BRD8: variants seen among roughly 807,000 people sequenced by gnomAD.
BRD8 encodes the protein bromodomain containing 8.
Under a neutral mutation model 143.1 loss-of-function variants are expected in BRD8, and 67 were observed. The observed-to-expected ratio is 0.47, with a 90% CI of 0.38 to 0.57. The LOEUF (loss-of-function observed/expected upper bound fraction) is 0.57. Ranked by LOEUF, BRD8 falls within the 20% of genes least tolerant of loss-of-function variation. BRD8 has a pLI of 0.00. For missense variants in BRD8, 1,103 were observed against 1,503.0 expected, an observed-to-expected ratio of 0.73 and a Z score of 4.40; for synonymous variants, 505 against 517.1, an observed-to-expected ratio of 0.98 and a Z score of 0.32.
intron 20 of BRD8, among the ~76,000 whole-genome samples, chr5:138,155,655 A>G (rs1206348025): frequency 1.4e-5 from 2 of 146,728 alleles, no homozygotes; most frequent in Non-Finnish European, 3.0e-5. Flanking sequence ...CTCAGCCTCC[A>G]ATGTAGCTGG....
rs773835517 is a variant in BRD8 at position 138,172,071 on chromosome 5, A to T, written c.180T>A (p.Ser60=). Residue 60 remains serine (S), a synonymous_variant, in exon 3 of 27, where the codon TCT becomes TCA. Coordinates refer to ENST00000254900, the MANE Select transcript of BRD8 (RefSeq NM_139199.2). ...CCCTTGCTTGGGAACTTACTTTTTG[A>T]GAGAACCAGTCTGGAGGGCGGCCAG... The part of the protein sequence containing the change: ...AEPGRPPDWF[S]QKHCASQYSE... 2.5e-6 allele frequency: 4 copies of T among 1,613,546 alleles called. No individual in the cohort carries two copies. Among genetic ancestry groups the T allele is most frequent in the Non-Finnish European group, 3.4e-6 (4 of 1,179,690 alleles).
intron 25 of BRD8, 24 bp downstream of exon 25, chr5:138,145,153 T>A (rs1292414629): frequency 6.9e-6 from 11 of 1,596,054 alleles, no homozygotes; most frequent in Non-Finnish European, 7.7e-6. Context: ...GCAACCAACC[T>A]TTCTTGACCC....
chr5:138,171,202 T>C, intron 4 of BRD8, 42 bp from the exon 5 acceptor site: 1 of 1,576,990 alleles, frequency 6.3e-7, no homozygotes, highest in Non-Finnish European at 8.7e-7. Context: ...TCAAATAACA[T>C]AACATTTATC....
At chr5:138,168,421 C>T (rs756606086) in intron 8 of BRD8, 7 of 1,331,948 alleles carry the variant, frequency 5.3e-6, no homozygotes, top group Non-Finnish European at 7.5e-6. Flanking sequence ...CACTCCCTTC[C>T]AAGTACTAAA....
At chr5:138,152,045 G>A (rs1160029333) in intron 21 of BRD8, among the ~76,000 whole-genome samples, 1 of 151,992 alleles carries the variant, frequency 6.6e-6, no homozygotes, top group African/African-American at 2.4e-5. Context: ...TAGTAGAGAT[G>A]GGGTTTCACC....
At chr5:138,163,078 C>T in intron 15 of BRD8, 52 bp downstream of exon 15, 3 of 1,487,700 alleles carry the variant, frequency 2.0e-6, no homozygotes, top group Non-Finnish European at 2.8e-6. Context: ...GGAAAAGATC[C>T]TCTCCTCACC....
At chr5:138,140,914 C>A in intron 25 of BRD8, 32 bp from the exon 26 acceptor site, 1 of 1,610,290 alleles carries the variant, frequency 6.2e-7, no homozygotes, top group South Asian at 1.1e-5. Flanking sequence ...CAAAGAAAAT[C>A]AAACCTTCAT....
At chr5:138,156,853 C>G in intron 20 of BRD8, 1 of 1,042,622 alleles carries the variant, frequency 9.6e-7, no homozygotes, top group Non-Finnish European at 1.2e-6. Flanking sequence ...CACACACACA[C>G]ACACACACAC....
chr5:138,172,006 A>C, intron 3 of BRD8, 59 bp downstream of exon 3: 1 of 1,299,588 alleles, frequency 7.7e-7, no homozygotes, highest in Non-Finnish European at 1.1e-6. Flanking sequence ...AGGGCCTGGT[A>C]GAGAACCTAC....
Position 138,165,974 on chromosome 5 carries a change from C to G in BRD8, c.1132G>C (p.Glu378Gln), listed in dbSNP as rs1753384278. The G allele has an allele frequency of 6.2e-7, 1 of 1,614,216 alleles. No individual in the cohort carries two copies. The highest frequency in any genetic ancestry group is 1.3e-5 in the African/African-American group (1 of 75,050). Reference sequence around the variant, plus strand: ...GGAGCCTTTGATCCAACAGGAGCCTCTGCTACCCCTGATCGAAAACACTCT... The same window carrying G: ...GGAGCCTTTGATCCAACAGGAGCCTGTGCTACCCCTGATCGAAAACACTCT... ...KEECFRSGVA[E>Q]APVGSKAPSI... Residue 378 changes from glutamate to glutamine, a missense_variant, in exon 11 of 27, where the codon GAG becomes CAG. Physicochemically the swap from Glu to Gln is conservative, Grantham distance 29. Coordinates refer to ENST00000254900, the MANE Select transcript of BRD8 (RefSeq NM_139199.2).
At chr5:138,140,633 C>T (rs778375970) in intron 26 of BRD8, 72 bp downstream of exon 26, 1 of 1,492,616 alleles carries the variant, frequency 6.7e-7, no homozygotes, top group Admixed American at 1.7e-5. Flanking sequence ...ACAGTCACCT[C>T]GAAATCACCT....
chr5:138,149,591 T>C (rs554539584), intron 23 of BRD8, 49 bp downstream of exon 23: 200 of 1,466,436 alleles, frequency 1.4e-4, no homozygotes, highest in Middle Eastern at 6.5e-4. Context: ...CAAATAGGCA[T>C]AAACAGAAGT....
chr5:138,145,399 T>TA (rs895717710), intron 24 of BRD8, among the ~76,000 whole-genome samples, 154 bp from the exon 25 acceptor site: 1 of 151,828 alleles, frequency 6.6e-6, no homozygotes, highest in Admixed American at 6.6e-5. Flanking sequence ...GCCAGAGAGT[T>TA]AAAAAAAACA....
intron 2 of BRD8, among the ~76,000 whole-genome samples, chr5:138,175,868 C>CG (rs941165468): frequency 7.4e-6 from 1 of 135,236 alleles, no homozygotes; most frequent in Admixed American, 8.0e-5. Flanking sequence ...GAACCACGAT[C>CG]GCACTACTGC....
chr5:138,140,130 T>C lies in BRD8; in HGVS notation c.3652A>G (p.Ser1218Gly), dbSNP rs571968530. The change falls in exon 27 of 27, where the codon AGT (serine) becomes GGT (glycine). Residue 1218 changes from serine (S) to glycine (G), a missense_variant. Transcript: ENST00000254900. ...TTAGCTGGTTCTCCTTCCAGACTAC[T>C]TGAGCCTTTTCTTTTGTCTAACCAG... ...NIWLDKRKGSSSLEGEPANPV... is the reference protein window; with the variant it reads ...NIWLDKRKGSGSLEGEPANPV... 1 of 1,613,974 alleles carries C rather than the reference T, an allele frequency of 6.2e-7. No homozygotes were observed. The highest frequency in any genetic ancestry group is 8.5e-7 in the Non-Finnish European group (1 of 1,179,862).
At chr5:138,153,475 A>G (rs962687892) in intron 20 of BRD8, among the ~76,000 whole-genome samples, 3 of 152,092 alleles carry the variant, frequency 2.0e-5, no homozygotes, top group African/African-American at 7.2e-5. Context: ...ACCTCTATTC[A>G]GGTGGCTCCC....
At chr5:138,161,235 A>C in intron 17 of BRD8, 167 bp from the exon 18 acceptor site, 1 of 533,892 alleles carries the variant, frequency 1.9e-6, no homozygotes, top group Non-Finnish European at 3.2e-6. Flanking sequence ...CCAAGAAACA[A>C]TCTATATAAT....
At chr5:138,167,812 A>C in intron 9 of BRD8, 122 bp downstream of exon 9, 1 of 837,118 alleles carries the variant, frequency 1.2e-6, no homozygotes, top group South Asian at 1.4e-5. Context: ...GCTCCAAAAA[A>C]AAGTTAGAAA....
chr5:138,154,244 A>G (rs1752483010), intron 20 of BRD8, among the ~76,000 whole-genome samples: 1 of 152,024 alleles, frequency 6.6e-6, no homozygotes, highest in African/African-American at 2.4e-5. Flanking sequence ...TCCTCCACAA[A>G]TTTAGCCTTA....
Sources: allele counts gnomAD v4.1 joint callset (sites outside exome capture counted in the v4.1 genomes callset), GRCh38; gene constraint gnomAD v4.1.1; transcripts MANE v1.5; gene names NCBI Gene and HGNC (gene_info 2026-07-23, HGNC 2026-07-21).